PYY: variants seen among roughly 807,000 people sequenced by gnomAD.
PYY encodes the protein peptide tyrosine tyrosine.
A neutral mutation model predicts 10.3 loss-of-function variants in PYY; 12 were observed. The observed-to-expected ratio is 1.17, with a 90% confidence interval of 0.75 to 1.89. The LOEUF (loss-of-function observed/expected upper bound fraction) is 1.89, where lower values mean the gene tolerates loss of function less well. Ranked by LOEUF, PYY falls within the 40% of genes most tolerant of loss-of-function variation. PYY has a pLI of 0.00. For missense variants in PYY, 141 were observed against 134.0 expected, an observed-to-expected ratio of 1.05 and a Z score of -0.26; for synonymous variants, 66 against 62.0, an observed-to-expected ratio of 1.06 and a Z score of -0.30.
At chr17:44,001,468 G>A (rs1266245186) in intron 1 of PYY, among the ~76,000 whole-genome samples, 1 of 152,116 alleles carries the variant, frequency 6.6e-6, no homozygotes, top group Non-Finnish European at 1.5e-5. Flanking sequence ...CAGAGGGGTG[G>A]GGCTGGGTAG....
chr17:43,972,869 C>T (rs936334366), intron 1 of PYY, among the ~76,000 whole-genome samples: 33 of 152,176 alleles, frequency 2.2e-4, no homozygotes, highest in African/African-American at 6.3e-4. Flanking sequence ...GGCGTGCCAC[C>T]AAGCCCACCT....
intron 1 of PYY, among the ~76,000 whole-genome samples, chr17:43,983,230 AAAAC>A (rs1161013877): frequency 4.6e-5 from 7 of 152,248 alleles, no homozygotes; most frequent in East Asian, 1.9e-4. Flanking sequence ...ATGCTGTCTT[AAAAC>A]AAACAAACAA....
At chr17:43,980,637 C>G (rs2048878423) in intron 1 of PYY, among the ~76,000 whole-genome samples, 1 of 151,826 alleles carries the variant, frequency 6.6e-6, no homozygotes, top group Non-Finnish European at 1.5e-5. Context: ...CCACACTCAG[C>G]TAATTTTTGT....
intron 1 of PYY, among the ~76,000 whole-genome samples, chr17:43,982,926 AT>A (rs1449090339): frequency 6.6e-6 from 1 of 152,086 alleles, no homozygotes; most frequent in Admixed American, 6.6e-5. Context: ...CCAGCAGCCA[AT>A]TGGGGTGCCA....
chr17:43,991,989 G>A (rs1305769761), intron 1 of PYY, among the ~76,000 whole-genome samples: 1 of 151,800 alleles, frequency 6.6e-6, no homozygotes, highest in Non-Finnish European at 1.5e-5. Flanking sequence ...GGGCGTGGTG[G>A]CGGGCGCCTG....
chr17:43,975,659 C>A (rs1478267575), intron 1 of PYY, among the ~76,000 whole-genome samples: 2 of 149,790 alleles, frequency 1.3e-5, no homozygotes, highest in Non-Finnish European at 3.0e-5. Flanking sequence ...GTCAAGGCTG[C>A]AGTGAGCCGA....
chr17:43,958,807 T>C (rs1168431557), upstream of PYY, among the ~76,000 whole-genome samples: 1 of 152,250 alleles, frequency 6.6e-6, no homozygotes, highest in Non-Finnish European at 1.5e-5. Context: ...GTTGGATGTG[T>C]CCCTAGCCTG....
Position 43,953,361 on chromosome 17 carries a change from C to T in PYY, c.123G>A (p.Ser41=). 1 of 1,612,400 alleles carries T rather than the reference C, an allele frequency of 6.2e-7. No individual in the cohort carries two copies. The change falls in exon 2 of 4, where the codon TCG becomes TCA. Residue 41 remains serine, a synonymous_variant. Coordinates refer to ENST00000692052, the MANE Select transcript of PYY (RefSeq NM_001394028.1). The part of the protein sequence containing the change: ...IKPEAPREDA[S]PEELNRYYAS... ...CGTAGTAGCGGTTCAGCTCCTCCGG[C>T]GAGGCGTCTTCGCGGGGAGCCTCGG...
At chr17:44,001,512 T>A (rs1209700101) in intron 1 of PYY, among the ~76,000 whole-genome samples, 5 of 149,900 alleles carry the variant, frequency 3.3e-5, no homozygotes, top group African/African-American at 1.2e-4. Flanking sequence ...ACTCTTCTCC[T>A]CCAGAAAGCA....
chr17:43,983,105 G>A (rs961735797), intron 1 of PYY, among the ~76,000 whole-genome samples: 5 of 152,146 alleles, frequency 3.3e-5, no homozygotes, highest in Admixed American at 6.6e-5. Context: ...GGTGGTGCAC[G>A]CTTGTAATCC....
intron 1 of PYY, among the ~76,000 whole-genome samples, chr17:43,973,663 C>T (rs56166836): frequency 0.03 from 4,620 of 152,162 alleles, 236 homozygotes; most frequent in African/African-American, 0.1. Flanking sequence ...GGCATGGTGG[C>T]GGCCACCTGT....
At chr17:43,957,698 A>G (rs931917883), upstream of PYY, among the ~76,000 whole-genome samples, 2 of 152,158 alleles carry the variant, frequency 1.3e-5, no homozygotes, top group Non-Finnish European at 2.9e-5. Context: ...TAAGCATGGA[A>G]TATGTCTGAT....
At chr17:43,989,108 C>G (rs1191987183) in intron 1 of PYY, among the ~76,000 whole-genome samples, 1 of 151,698 alleles carries the variant, frequency 6.6e-6, no homozygotes, top group African/African-American at 2.4e-5. Context: ...GGCGCGGTGG[C>G]TCACGCCTGT....
chr17:43,969,515 C>A (rs1206963389), intron 1 of PYY, among the ~76,000 whole-genome samples: 1,462 of 90,172 alleles, frequency 0.016, no homozygotes, highest in Non-Finnish European at 0.021. Context: ...GACTCTGTCT[C>A]AAAAAAAAAA....
At chr17:43,990,387 C>A (rs534783324) in intron 1 of PYY, among the ~76,000 whole-genome samples, 6 of 147,344 alleles carry the variant, frequency 4.1e-5, no homozygotes, top group African/African-American at 1.5e-4. Context: ...TGTAGTGAGC[C>A]GAGATCGCAC....
chr17:43,992,893 GA>G (rs2048967115), intron 1 of PYY, among the ~76,000 whole-genome samples: 2 of 89,438 alleles, frequency 2.2e-5, no homozygotes, highest in African/African-American at 8.5e-5. Context: ...ACAGGGGGAG[GA>G]TTGTCAGAGG....
chr17:43,972,370 G>A (rs1019998661), intron 1 of PYY, among the ~76,000 whole-genome samples: 3 of 151,496 alleles, frequency 2.0e-5, no homozygotes, highest in African/African-American at 4.9e-5. Context: ...GTGTCACCAC[G>A]CCGGGCTAAT....
chr17:43,953,240 T>G (rs775255190), intron 2 of PYY, 51 bp from the exon 3 acceptor site: 4 of 1,608,252 alleles, frequency 2.5e-6, no homozygotes, highest in Non-Finnish European at 3.4e-6. Context: ...CGCCCCCAGG[T>G]GGAGCGGGGC....
At chr17:43,967,969 C>A (rs2048765957) in intron 1 of PYY, among the ~76,000 whole-genome samples, 1 of 152,128 alleles carries the variant, frequency 6.6e-6, no homozygotes, top group Non-Finnish European at 1.5e-5. Flanking sequence ...AAAAGGAACT[C>A]CATTTTTCTC....
Sources: gnomAD v4.1 joint callset for allele counts (sites outside exome capture counted in the v4.1 genomes callset) on GRCh38, gnomAD v4.1.1 for gene constraint, MANE v1.5 for transcripts, NCBI Gene and HGNC (gene_info 2026-07-23, HGNC 2026-07-21) for gene names.